Variants in PTPN21 observed in about 807,000 individuals in gnomAD.
PTPN21 encodes the protein tyrosine-protein phosphatase non-receptor type 21.
PTPN21 carries 77 observed loss-of-function variants against 131.8 expected under a neutral mutation model. The observed-to-expected ratio is 0.58, with a 90% CI of 0.49 to 0.71. The LOEUF (loss-of-function observed/expected upper bound fraction) is 0.71, where lower values mean the gene tolerates loss of function less well. Among genes scored for constraint, PTPN21 ranks in the 30% least tolerant of loss-of-function variants. The pLI, the probability that PTPN21 is intolerant of heterozygous loss-of-function variation, is 0.00. For synonymous variants in PTPN21, 715 were observed against 621.3 expected, an observed-to-expected ratio of 1.15 and a Z score of -2.24; for missense variants, 1,552 against 1,527.1, an observed-to-expected ratio of 1.02 and a Z score of -0.27.
chr14:88,501,057 G>T, intron 7 of PTPN21, 186 bp from the exon 8 acceptor site: 1 of 636,370 alleles, frequency 1.6e-6, no homozygotes, highest in Non-Finnish European at 2.8e-6. Flanking sequence ...GAAAAAGTTT[G>T]GCCCTCCTTA....
chr14:88,545,117 G>A (rs529973827), intron 2 of PTPN21, among the ~76,000 whole-genome samples: 21 of 152,242 alleles, frequency 1.4e-4, no homozygotes, highest in Non-Finnish European at 2.2e-4. Context: ...TTACACGCGT[G>A]AGCCACCGCG....
At chr14:88,509,030 C>A (rs1288481517) in intron 3 of PTPN21, among the ~76,000 whole-genome samples, 2 of 152,138 alleles carry the variant, frequency 1.3e-5, no homozygotes, top group Non-Finnish European at 2.9e-5. Context: ...GGTACCATCA[C>A]CCCTTCACAG....
chr14:88,471,653 G>A (rs1218481615), intron 15 of PTPN21, among the ~76,000 whole-genome samples: 1 of 152,092 alleles, frequency 6.6e-6, no homozygotes, highest in Non-Finnish European at 1.5e-5. Context: ...AGAACAGATG[G>A]CACCTTGGTA....
chr14:88,479,295 C>T lies in PTPN21; in HGVS notation c.2136G>A (p.Glu712=). Residue 712 remains glutamate, a synonymous_variant, in exon 13 of 19, where the codon GAG becomes GAA. Coordinates refer to ENST00000556564, the MANE Select transcript of PTPN21 (RefSeq NM_007039.4). The part of the protein sequence containing the change: ...SDATMLIHSS[E]EEEDEDFEEE... Reference sequence around the variant, plus strand: ...CCTCGAAGTCCTCGTCCTCCTCCTCCTCGCTGCTGTGGATTAGCATGGTGG... The same window carrying T: ...CCTCGAAGTCCTCGTCCTCCTCCTCTTCGCTGCTGTGGATTAGCATGGTGG... The T allele has an allele frequency of 1.2e-6, 2 of 1,613,426 alleles. No homozygotes were observed. The highest frequency in any genetic ancestry group is 1.7e-6 in the Non-Finnish European group (2 of 1,179,572).
In PTPN21 at chr14:88,483,198, T is replaced by C. The variant is rs373966277; in HGVS notation, c.1078+1878A>G. ...CTTCACTCCAGCCTGGGCAACAGAG[T>C]GAGACTCCGTCTCCAAAAAAAAAAA... On this transcript the variant is annotated intron_variant, in intron 12 of 18. Transcript: ENST00000556564. Among the ~76,000 whole-genome samples, 23 of 124,158 alleles carry C rather than the reference T, an allele frequency of 1.9e-4. No individual in the cohort carries two copies. The Admixed American group carries it at 2.1e-3, about 11-fold the overall frequency. 81.5% of individuals were successfully genotyped at this position (124,158 alleles called of 152,430 possible). A position where few individuals can be genotyped will look rare whatever the true frequency, so the allele number is the denominator to read the frequency against.
intron 2 of PTPN21, among the ~76,000 whole-genome samples, chr14:88,528,458 G>C (rs896426304): frequency 5.3e-5 from 8 of 152,156 alleles, no homozygotes; most frequent in African/African-American, 1.7e-4. Context: ...CTTCATCACT[G>C]TTTGTGTATA....
intron 12 of PTPN21, among the ~76,000 whole-genome samples, chr14:88,484,142 G>A (rs2077695923): frequency 6.6e-6 from 1 of 151,412 alleles, no homozygotes; most frequent in South Asian, 2.1e-4. Flanking sequence ...CCCCACCTTG[G>A]GCTTAAGCAA....
At position 88,466,623 on chromosome 14, in the gene PTPN21, C is replaced by T; in HGVS notation, c.*1514G>A. 1 of 152,200 alleles carries T rather than the reference C, an allele frequency of 6.6e-6. No homozygotes were observed. Among genetic ancestry groups the T allele is most frequent in the South Asian group, 2.1e-4 (1 of 4,828 alleles). 9.4% of individuals were successfully genotyped at this position (152,200 alleles called of 1,614,324 possible). A position where few individuals can be genotyped will look rare whatever the true frequency, so the allele number is the denominator to read the frequency against. On this transcript the variant is annotated 3_prime_UTR_variant, in exon 19 of 19. Coordinates refer to ENST00000556564, the MANE Select transcript of PTPN21 (RefSeq NM_007039.4). ...AGCTAAATATCCCACTCATCCATGCCTACTCAGCGGTCACTGTGACAAGGC... is the reference window on the plus strand; with the variant it reads ...AGCTAAATATCCCACTCATCCATGCTTACTCAGCGGTCACTGTGACAAGGC...
chr14:88,537,448 T>C (rs945924653), intron 2 of PTPN21, among the ~76,000 whole-genome samples: 2 of 152,182 alleles, frequency 1.3e-5, no homozygotes, highest in Non-Finnish European at 2.9e-5. Context: ...GACTAATGTT[T>C]AGAAAGATTC....
At chr14:88,491,619 T>A (rs2077825314) in intron 10 of PTPN21, among the ~76,000 whole-genome samples, 1 of 152,168 alleles carries the variant, frequency 6.6e-6, no homozygotes, top group South Asian at 2.1e-4. Context: ...TTTCATTTTA[T>A]TATCAAGCAA....
chr14:88,473,549 C>T (rs1018328803), intron 14 of PTPN21, 116 bp downstream of exon 14: 72 of 1,278,486 alleles, frequency 5.6e-5, no homozygotes, highest in Non-Finnish European at 7.5e-5. Context: ...AATTCCTTAA[C>T]ACTCATTTAT....
chr14:88,512,037 T>C (rs1595385130), intron 3 of PTPN21, among the ~76,000 whole-genome samples: 1 of 151,916 alleles, frequency 6.6e-6, no homozygotes, highest in East Asian at 1.9e-4. Context: ...TTTTTAAGTT[T>C]TATTTTGGAA....
rs2077580055 is a variant in PTPN21 at position 88,478,534 on chromosome 14, C to A, written c.2511+386G>T. On this transcript the variant is annotated intron_variant, in intron 13 of 18. Transcript: ENST00000556564. ...CTTGAGCAAACTAAACAAATGCACC[C>A]CTGGGGTGCCACATCACCCACAGTA... Among the ~76,000 whole-genome samples, 2 of 152,144 alleles carry A rather than the reference C, an allele frequency of 1.3e-5. 1 individual carries two copies. Among genetic ancestry groups the A allele is most frequent in the East Asian group, 3.9e-4 (2 of 5,188 alleles).
intron 14 of PTPN21, among the ~76,000 whole-genome samples, chr14:88,473,373 T>C (rs941244696): frequency 8.5e-5 from 13 of 152,304 alleles, no homozygotes; most frequent in African/African-American, 2.9e-4. Context: ...TTTTGTAGAT[T>C]TCTTCTCACT....
At chr14:88,512,659 C>G (rs2078203927) in intron 3 of PTPN21, 2 of 152,204 alleles carry the variant, frequency 1.3e-5, no homozygotes, top group Admixed American at 6.5e-5. Flanking sequence ...TATATCTGCA[C>G]TGCCCAATAT....
At chr14:88,506,684 A>G (rs750005215) in intron 4 of PTPN21, among the ~76,000 whole-genome samples, 7 of 152,172 alleles carry the variant, frequency 4.6e-5, no homozygotes, top group Non-Finnish European at 8.8e-5. Flanking sequence ...TACATGGGGT[A>G]CAGGGTACAC....
In PTPN21 at chr14:88,486,775, G is replaced by A. The variant is rs1023471029; in HGVS notation, c.933-933C>T. Among the ~76,000 whole-genome samples, 13 of 152,044 alleles carry A rather than the reference G, an allele frequency of 8.6e-5. No individual in the cohort carries two copies. The East Asian group carries it at 2.1e-3, about 25-fold the overall frequency. On this transcript the variant is annotated intron_variant, in intron 10 of 18. Coordinates refer to ENST00000556564, the MANE Select transcript of PTPN21 (RefSeq NM_007039.4). ...GTGGATCACCTGAAGTCAGGAGTTC[G>A]AGACCACCTGGCCAACATGGTGAAA...
At chr14:88,476,866 G>C (rs1043190091) in intron 13 of PTPN21, among the ~76,000 whole-genome samples, 1 of 152,128 alleles carries the variant, frequency 6.6e-6, no homozygotes, top group Non-Finnish European at 1.5e-5. Flanking sequence ...AAAAGTCAAT[G>C]GGAGAGAAAA....
chr14:88,506,497 C>T (rs961059801), intron 4 of PTPN21, among the ~76,000 whole-genome samples: 6 of 152,080 alleles, frequency 3.9e-5, no homozygotes, highest in African/African-American at 1.4e-4. Flanking sequence ...AGGCTGGTCT[C>T]GAACTCCTGG....
Sources: allele counts gnomAD v4.1 joint callset (sites outside exome capture counted in the v4.1 genomes callset), GRCh38; gene constraint gnomAD v4.1.1; transcripts MANE v1.5; gene names NCBI Gene and HGNC (gene_info 2026-07-23, HGNC 2026-07-21).